The following PDE1C variants were observed in gnomAD, a reference collection of about 807,000 sequenced individuals.
PDE1C encodes the protein dual specificity calcium/calmodulin-dependent 3',5'-cyclic nucleotide phosphodiesterase 1C.
Under a neutral mutation model 93.1 loss-of-function variants are expected in PDE1C, and 62 were observed. That is an observed-to-expected ratio of 0.67 (90% confidence interval 0.54 to 0.82). The LOEUF (loss-of-function observed/expected upper bound fraction) is 0.82. Ranked by LOEUF, PDE1C falls within the 40% of genes least tolerant of loss-of-function variation. The pLI is 0.00. For missense variants in PDE1C, 742 were observed against 884.6 expected (o/e 0.84, Z 2.04); for synonymous variants, 325 against 310.1 (o/e 1.05, Z -0.50).
intron 1 of PDE1C, among the ~76,000 whole-genome samples, chr7:32,378,341 T>C (rs751535237): frequency 1.3e-5 from 2 of 152,174 alleles, no homozygotes; most frequent in Non-Finnish European, 2.9e-5. Context: ...GTGGGAGATA[T>C]CTAGCCAACC....
chr7:31,649,420 T>G, the PDE1C span, among the ~76,000 whole-genome samples: 1 of 152,166 alleles, frequency 6.6e-6, no homozygotes, highest in Non-Finnish European at 1.5e-5. Flanking sequence ...TCAGTTTCCT[T>G]TAAAGCACAC....
intron 15 of PDE1C, 67 bp from the exon 16 acceptor site, chr7:31,809,175 A>G: frequency 1.2e-6 from 1 of 850,664 alleles, no homozygotes. Flanking sequence ...AACATCTTTA[A>G]GTCTGCCAAG....
rs147949600 is a variant in PDE1C at position 31,982,103 on chromosome 7, C to T, written c.128+69451G>A. ...CACAGTAGAGCACTGTGCTTTCCAT[C>T]AGCAAATATCTAGAGTTATGTGGGC... On this transcript the variant is annotated intron_variant, in intron 2 of 17. Coordinates refer to ENST00000396191, the MANE Select transcript of PDE1C (RefSeq NM_001191057.4). 3.1e-3 allele frequency among the ~76,000 whole-genome samples: 478 copies of T among 152,298 alleles called. 4 individuals carry two copies. Among genetic ancestry groups the T allele is most frequent in the African/African-American group, 0.011 (450 of 41,564 alleles).
chr7:32,122,387 CT>C (rs1799348921), intron 3 of PDE1C, among the ~76,000 whole-genome samples: 1 of 152,180 alleles, frequency 6.6e-6, no homozygotes, highest in Admixed American at 6.5e-5. Flanking sequence ...ATCCACAGAA[CT>C]TTCCACCCCA....
chr7:32,286,751 T>C (rs939117577), intron 1 of PDE1C, among the ~76,000 whole-genome samples: 1 of 152,210 alleles, frequency 6.6e-6, no homozygotes, highest in Non-Finnish European at 1.5e-5. Flanking sequence ...CCCATTTAAA[T>C]AGAACTGCAA....
intron 3 of PDE1C, among the ~76,000 whole-genome samples, chr7:32,111,723 G>A (rs577796756): frequency 6.6e-6 from 1 of 152,274 alleles, no homozygotes; most frequent in African/African-American, 2.4e-5. Flanking sequence ...AATGCTGAAG[G>A]TGTACCCCTA....
At chr7:32,221,835 G>A (rs1806891380) in intron 1 of PDE1C, among the ~76,000 whole-genome samples, 1 of 152,160 alleles carries the variant, frequency 6.6e-6, no homozygotes, top group South Asian at 2.1e-4. Context: ...CATATCCAAT[G>A]CAGAGGGTGA....
chr7:31,674,353 G>A, the PDE1C span, among the ~76,000 whole-genome samples: 107,409 of 152,050 alleles, frequency 0.71, 38,319 homozygotes, highest in East Asian at 0.82. Context: ...TAAAACCTGA[G>A]TAGTAGGTAT....
chr7:32,197,162 A>G (rs1358114328), intron 2 of PDE1C, among the ~76,000 whole-genome samples: 1 of 152,214 alleles, frequency 6.6e-6, no homozygotes, highest in Non-Finnish European at 1.5e-5. Flanking sequence ...TAGCTCTCCA[A>G]ATAAGATACA....
chr7:32,269,581 G>C (rs1017209800), intron 1 of PDE1C, among the ~76,000 whole-genome samples: 1 of 152,168 alleles, frequency 6.6e-6, no homozygotes, highest in African/African-American at 2.4e-5. Context: ...CCGGGTTCAA[G>C]CGATTCTTCT....
intron 1 of PDE1C, among the ~76,000 whole-genome samples, chr7:32,421,028 CCA>C (rs907621198): frequency 4.4e-4 from 67 of 152,110 alleles, no homozygotes; most frequent in African/African-American, 1.6e-3. Flanking sequence ...GCTGTGAACA[CCA>C]CAGAGGGGTA....
intron 15 of PDE1C, among the ~76,000 whole-genome samples, chr7:31,815,199 A>C (rs1374792797): frequency 6.6e-6 from 1 of 152,018 alleles, no homozygotes; most frequent in African/African-American, 2.4e-5. Context: ...CCATGTCACT[A>C]CTTTCACTTG....
chr7:32,328,877 C>G (rs1562676190), intron 1 of PDE1C, among the ~76,000 whole-genome samples: 1 of 152,186 alleles, frequency 6.6e-6, no homozygotes, highest in Non-Finnish European at 1.5e-5. Flanking sequence ...TTGGTCACTA[C>G]TGCATGTCCA....
intron 17 of PDE1C, among the ~76,000 whole-genome samples, chr7:31,755,775 T>C (rs1366416403): frequency 6.6e-6 from 1 of 152,144 alleles, no homozygotes; most frequent in Non-Finnish European, 1.5e-5. Flanking sequence ...AATAAATAAT[T>C]GTGGGAGAAT....
At chr7:32,250,355 T>C (rs964428090) in intron 1 of PDE1C, among the ~76,000 whole-genome samples, 3 of 152,150 alleles carry the variant, frequency 2.0e-5, no homozygotes, top group African/African-American at 7.2e-5. Context: ...CTCAAAAACA[T>C]GGGCTTTGAG....
chr7:31,685,489 AAAG>A, the PDE1C span, among the ~76,000 whole-genome samples: 1 of 152,324 alleles, frequency 6.6e-6, no homozygotes. Context: ...GTTTAATTCA[AAAG>A]AAGAATTCAA....
In PDE1C at chr7:32,212,025, CAAAAAAAAAA is replaced by C. The variant is rs35827566; in HGVS notation, c.86-2496_86-2487del. Among the ~76,000 whole-genome samples the C allele has an allele frequency of 8.6e-5, 7 of 81,268 alleles. No individual in the cohort carries two copies. The South Asian group carries it at 1.3e-3, about 15-fold the overall frequency. 53.3% of individuals were successfully genotyped at this position (81,268 alleles called of 152,430 possible). On this transcript the variant is annotated intron_variant, in intron 1 of 18. Transcript: ENST00000396193. ...TGGGCAACAGAACGAGAACCTATCT[CAAAAAAAAAA>C]AAAAAAAAAAGAAAGAAAGAAAAAA...
intron 3 of PDE1C, among the ~76,000 whole-genome samples, chr7:32,156,155 T>C (rs1364935277): frequency 6.6e-6 from 1 of 152,200 alleles, no homozygotes; most frequent in Non-Finnish European, 1.5e-5. Flanking sequence ...AGTTCTGGGA[T>C]TCATGTGCAG....
intron 1 of PDE1C, among the ~76,000 whole-genome samples, chr7:32,361,377 A>G: frequency 6.6e-6 from 1 of 152,234 alleles, no homozygotes. Context: ...GCAGGATTAT[A>G]TGTCATCTTT....
Sources: gnomAD v4.1 joint callset for allele counts (sites outside exome capture counted in the v4.1 genomes callset) on GRCh38, gnomAD v4.1.1 for gene constraint, MANE v1.5 for transcripts, NCBI Gene and HGNC (gene_info 2026-07-23, HGNC 2026-07-21) for gene names.